RYR3: variants seen among roughly 807,000 people sequenced by gnomAD.
RYR3 encodes ryanodine receptor 3.
RYR3 carries 207 observed loss-of-function variants against 584.3 expected under a neutral mutation model. That is an observed-to-expected ratio of 0.35 (90% CI 0.32 to 0.40). The LOEUF (loss-of-function observed/expected upper bound fraction) is 0.40, where lower values mean the gene tolerates loss of function less well. Among genes scored for constraint, RYR3 ranks in the 10% least tolerant of loss-of-function variants. The pLI is 1.00. For missense variants in RYR3, 5,616 were observed against 6,089.2 expected (o/e 0.92, Z 2.59); for synonymous variants, 2,416 against 2,248.5 (o/e 1.07, Z -2.11).
intron 45 of RYR3, among the ~76,000 whole-genome samples, chr15:33,725,202 CAT>C (rs1268378731): frequency 1.2e-3 from 134 of 111,084 alleles, no homozygotes; most frequent in African/African-American, 2.9e-3. Context: ...CACACACACA[CAT>C]ATATACATCC....
At chr15:33,426,574 T>C (rs1421052339) in intron 1 of RYR3, among the ~76,000 whole-genome samples, 3 of 152,208 alleles carry the variant, frequency 2.0e-5, no homozygotes. Flanking sequence ...ACAAGATACA[T>C]GGTTAAGTGA....
intron 63 of RYR3, among the ~76,000 whole-genome samples, chr15:33,773,212 C>G (rs551333125): frequency 1.6e-4 from 25 of 152,296 alleles, no homozygotes; most frequent in African/African-American, 5.8e-4. Flanking sequence ...GCTAAAATGT[C>G]TCTATTGGAA....
chr15:33,541,272 T>A (rs1448746916), intron 7 of RYR3, among the ~76,000 whole-genome samples: 4 of 152,160 alleles, frequency 2.6e-5, no homozygotes, highest in African/African-American at 9.7e-5. Context: ...GAAGGTGACA[T>A]GGTTTATATT....
Position 33,840,756 on chromosome 15 carries a change from A to G in RYR3, c.12979-69A>G. 6 of 1,477,664 alleles carry G rather than the reference A, an allele frequency of 4.1e-6. No individual in the cohort carries two copies. The South Asian group carries it at 4.7e-5, about 12-fold the overall frequency. 91.5% of individuals were successfully genotyped at this position (1,477,664 alleles called of 1,614,324 possible). A position where few individuals can be genotyped will look rare whatever the true frequency, so the allele number is the denominator to read the frequency against. On this transcript the variant is annotated intron_variant, in intron 89 of 103. Coordinates refer to ENST00000634891, the MANE Select transcript of RYR3 (RefSeq NM_001036.6). ...ATTTGTGACCAAGAAGCAAATGGCC[A>G]AGAAAATGTCTCATCATCATGACCT...
At chr15:33,814,760 G>T (rs1408106303) in intron 74 of RYR3, among the ~76,000 whole-genome samples, 1 of 152,014 alleles carries the variant, frequency 6.6e-6, no homozygotes, top group Non-Finnish European at 1.5e-5. Flanking sequence ...ACTTAGCCAA[G>T]CATGGTGACA....
intron 35 of RYR3, 34 bp downstream of exon 35, chr15:33,662,982 A>G: frequency 6.4e-7 from 1 of 1,567,934 alleles, no homozygotes; most frequent in South Asian, 1.2e-5. Context: ...AGGCAGGTTA[A>G]TAGATCTTCT....
intron 2 of RYR3, among the ~76,000 whole-genome samples, chr15:33,500,411 A>C (rs912484987): frequency 1.3e-5 from 2 of 152,178 alleles, no homozygotes; most frequent in Non-Finnish European, 2.9e-5. Context: ...CCCCAGAAAA[A>C]TATGCCATTA....
chr15:33,757,877 G>C (rs1193441509), intron 60 of RYR3: 1 of 413,432 alleles, frequency 2.4e-6, no homozygotes, highest in Non-Finnish European at 4.4e-6. Context: ...GAACAGCTCT[G>C]GTCTGTAGCT....
intron 10 of RYR3, among the ~76,000 whole-genome samples, chr15:33,560,306 A>G (rs894100586): frequency 1.3e-5 from 2 of 152,158 alleles, no homozygotes; most frequent in Non-Finnish European, 2.9e-5. Flanking sequence ...CTGCTGTTCT[A>G]TTACATTAGA....
At chr15:33,381,328 G>A (rs1019768698) in intron 1 of RYR3, among the ~76,000 whole-genome samples, 2 of 152,174 alleles carry the variant, frequency 1.3e-5, no homozygotes, top group South Asian at 4.1e-4. Context: ...ATTAGCAGCC[G>A]AACCCCTGGA....
intron 36 of RYR3, among the ~76,000 whole-genome samples, chr15:33,667,058 C>G (rs1210256373): frequency 6.6e-6 from 1 of 152,120 alleles, no homozygotes; most frequent in Non-Finnish European, 1.5e-5. Context: ...AAACGTGACC[C>G]AACCTGTTCT....
chr15:33,432,714 G>T (rs1385855316), intron 1 of RYR3, among the ~76,000 whole-genome samples: 2 of 143,032 alleles, frequency 1.4e-5, no homozygotes, highest in Non-Finnish European at 3.0e-5. Context: ...TAGAGATGGG[G>T]TTTCACTATG....
At chr15:33,327,113 T>C (rs1235874814) in intron 1 of RYR3, among the ~76,000 whole-genome samples, 1 of 152,164 alleles carries the variant, frequency 6.6e-6, no homozygotes, top group Non-Finnish European at 1.5e-5. Context: ...TGAGAGCTGT[T>C]ATACAGCTAT....
chr15:33,535,381 G>C (rs1289106060), intron 5 of RYR3, among the ~76,000 whole-genome samples: 1 of 152,202 alleles, frequency 6.6e-6, no homozygotes, highest in Non-Finnish European at 1.5e-5. Context: ...AAGCAAAAAA[G>C]TGGCCCCGCC....
chr15:33,447,260 CTAAT>C lies in RYR3; in HGVS notation c.52-26156_52-26153del, dbSNP rs527916118. Reference sequence around the variant, plus strand: ...ATTCATGATGATAAATTCCTGTACTCTAATTACCTTCACACAGAGAACCCCCTGA... The same window carrying C: ...ATTCATGATGATAAATTCCTGTACTCTACCTTCACACAGAGAACCCCCTGA... On this transcript the variant is annotated intron_variant, in intron 1 of 103. Transcript: ENST00000634891. 2.2e-3 allele frequency among the ~76,000 whole-genome samples: 337 copies of C among 152,294 alleles called. 1 individual carries two copies. The highest frequency in any genetic ancestry group is 3.8e-3 in the Non-Finnish European group (259 of 68,030).
intron 19 of RYR3, among the ~76,000 whole-genome samples, chr15:33,619,652 T>C (rs2060617469): frequency 1.3e-5 from 2 of 152,226 alleles, no homozygotes; most frequent in South Asian, 4.1e-4. Context: ...TTCTATCTAT[T>C]TGAATATAAA....
chr15:33,582,940 T>C (rs982827544), intron 14 of RYR3, among the ~76,000 whole-genome samples: 1 of 152,252 alleles, frequency 6.6e-6, no homozygotes, highest in African/African-American at 2.4e-5. Context: ...TCAATTTACA[T>C]GGACTTGTTC....
At chr15:33,688,572 CA>C (rs34312921) in intron 38 of RYR3, among the ~76,000 whole-genome samples, 3,011 of 63,642 alleles carry the variant, frequency 0.047, 213 homozygotes, top group East Asian at 0.4. Context: ...GACTCCATCT[CA>C]AAAAAAAAAA....
intron 2 of RYR3, among the ~76,000 whole-genome samples, chr15:33,480,736 C>T (rs979034980): frequency 1.3e-5 from 2 of 152,102 alleles, no homozygotes; most frequent in Non-Finnish European, 2.9e-5. Context: ...CAATCTTTTT[C>T]AATGTATGGA....
Sources: allele counts gnomAD v4.1 joint callset (sites outside exome capture counted in the v4.1 genomes callset), GRCh38; gene constraint gnomAD v4.1.1; transcripts MANE v1.5; gene names NCBI Gene and HGNC (gene_info 2026-07-23, HGNC 2026-07-21).